Variants in MARCHF8 observed in about 807,000 individuals in gnomAD.
MARCHF8 encodes E3 ubiquitin-protein ligase MARCHF8.
Under a neutral mutation model 51.6 loss-of-function variants are expected in MARCHF8, and 40 were observed. The observed-to-expected ratio is 0.77, with a 90% CI of 0.60 to 1.01. MARCHF8 has a LOEUF of 1.01. Ranked by LOEUF, MARCHF8 falls within the 50% of genes least tolerant of loss-of-function variation. MARCHF8 has a pLI of 0.00. For synonymous variants in MARCHF8, 263 were observed against 280.3 expected, an observed-to-expected ratio of 0.94 and a Z score of 0.62; for missense variants, 685 against 708.6, an observed-to-expected ratio of 0.97 and a Z score of 0.38.
intron 1 of MARCHF8, among the ~76,000 whole-genome samples, chr10:45,559,988 C>A (rs2044291427): frequency 6.6e-6 from 1 of 152,106 alleles, no homozygotes; most frequent in Non-Finnish European, 1.5e-5. Context: ...TTCCTCCCCG[C>A]AACACACAGA....
At chr10:45,483,147 T>C (rs1468553419) in intron 3 of MARCHF8, among the ~76,000 whole-genome samples, 3 of 152,150 alleles carry the variant, frequency 2.0e-5, no homozygotes, top group East Asian at 1.9e-4. Context: ...AAAGGGACTA[T>C]ATTAAACTGA....
rs768634364 is a variant in MARCHF8 at position 45,463,357 on chromosome 10, G to T, written c.882C>A (p.Ser294Arg). 4 of 1,550,708 alleles carry T rather than the reference G, an allele frequency of 2.6e-6. No homozygotes were observed. The East Asian group carries it at 9.8e-5, about 38-fold the overall frequency. The change falls in exon 5 of 8, where the codon AGC becomes AGA. Residue 294 changes from serine to arginine, a missense_variant. Ser to Arg is a moderately radical substitution (Grantham distance 110). Transcript: ENST00000453424. ...AGAAGCCCATACTCCCTGCCAGCCC[G>T]CTGGAGGACTTGGCAGTGTGCAGGC... is the stretch of plus-strand genomic sequence containing the variant. Reference protein sequence around the residue: ...AARLHTAKSSSGLAGSMGFCS... With the variant: ...AARLHTAKSSRGLAGSMGFCS...
intron 3 of MARCHF8, among the ~76,000 whole-genome samples, chr10:45,479,458 T>C (rs139843894): frequency 6.6e-6 from 1 of 152,336 alleles, no homozygotes; most frequent in African/African-American, 2.4e-5. Flanking sequence ...TGCCCGCTGA[T>C]ATGATTTGGC....
intron 1 of MARCHF8, among the ~76,000 whole-genome samples, chr10:45,582,994 C>A (rs2133427637): frequency 6.6e-6 from 1 of 152,178 alleles, no homozygotes; most frequent in South Asian, 2.1e-4. Context: ...ATGTCCAAAT[C>A]CTCACCTATC....
At chr10:45,521,356 T>C (rs1466569963) in intron 2 of MARCHF8, among the ~76,000 whole-genome samples, 1 of 152,246 alleles carries the variant, frequency 6.6e-6, no homozygotes, top group Non-Finnish European at 1.5e-5. Context: ...ACCTGATTTT[T>C]ATTCCCTAGA....
chr10:45,484,714 G>A (rs939782650), intron 3 of MARCHF8, among the ~76,000 whole-genome samples: 2 of 152,148 alleles, frequency 1.3e-5, no homozygotes, highest in Admixed American at 1.3e-4. Flanking sequence ...AATGAGTTAG[G>A]AATTTTAGCC....
intron 1 of MARCHF8, among the ~76,000 whole-genome samples, chr10:45,550,634 T>C (rs2044184389): frequency 6.6e-6 from 1 of 152,118 alleles, no homozygotes; most frequent in South Asian, 2.1e-4. Context: ...CCATCCGAGA[T>C]ATGTCTGCCC....
chr10:45,459,903 C>T (rs1842732319), intron 6 of MARCHF8: 1 of 985,282 alleles, frequency 1.0e-6, no homozygotes, highest in African/African-American at 1.7e-5. Context: ...GGAGAAAACA[C>T]ATAAAGGTAG....
chr10:45,539,886 C>G (rs1198331119), upstream of MARCHF8, among the ~76,000 whole-genome samples: 1 of 152,176 alleles, frequency 6.6e-6, no homozygotes, highest in African/African-American at 2.4e-5. Context: ...GCAAAAATCA[C>G]AAGCATTCTT....
intron 6 of MARCHF8, among the ~76,000 whole-genome samples, chr10:45,460,716 T>C (rs1413189431): frequency 2.6e-5 from 4 of 152,228 alleles, no homozygotes; most frequent in Non-Finnish European, 4.4e-5. Flanking sequence ...CTGTGGGTCC[T>C]TTCTGAAGAC....
At position 45,458,230 on chromosome 10, in the gene MARCHF8, C is replaced by T. The variant is rs750880427; in HGVS notation, c.*9G>A. 17 of 1,596,968 alleles carry T rather than the reference C, an allele frequency of 1.1e-5. No individual in the cohort carries two copies. The highest frequency in any genetic ancestry group is 1.2e-5 in the Non-Finnish European group (14 of 1,171,808). The stretch of plus-strand genomic sequence containing the variant: ...ATGGATGTCCAGGAAAATGACAACC[C>T]GCACACAATCAGACGTGAATGATTT... On this transcript the variant is annotated 3_prime_UTR_variant, in exon 8 of 8. Transcript: ENST00000453424.
chr10:45,562,913 G>A (rs976677430), intron 1 of MARCHF8, among the ~76,000 whole-genome samples: 4 of 152,006 alleles, frequency 2.6e-5, no homozygotes, highest in East Asian at 1.9e-4. Context: ...TGAATAGTAC[G>A]GGTTTCCACT....
At chr10:45,537,954 T>A (rs2043996940), upstream of MARCHF8, among the ~76,000 whole-genome samples, 1 of 152,182 alleles carries the variant, frequency 6.6e-6, no homozygotes, top group Non-Finnish European at 1.5e-5. Flanking sequence ...AGAGAAAATT[T>A]TAATTTTTCC....
At chr10:45,566,090 T>C (rs1028830788) in intron 1 of MARCHF8, among the ~76,000 whole-genome samples, 1 of 152,040 alleles carries the variant, frequency 6.6e-6, no homozygotes, top group Non-Finnish European at 1.5e-5. Flanking sequence ...AAAAGAAGTA[T>C]AAAAATGTGG....
chr10:45,524,042 T>C (rs1404267861), intron 2 of MARCHF8, among the ~76,000 whole-genome samples: 3 of 152,340 alleles, frequency 2.0e-5, no homozygotes, highest in Non-Finnish European at 2.9e-5. Context: ...ATATTTAAAA[T>C]TGCAGGACCT....
intron 3 of MARCHF8, 136 bp from the exon 4 acceptor site, chr10:45,464,463 T>A: frequency 1.4e-6 from 1 of 712,066 alleles, no homozygotes; most frequent in Non-Finnish European, 2.5e-6. Context: ...ACATATTAGA[T>A]CCTTCTAAGC....
chr10:45,522,577 A>C (rs1297502576), intron 2 of MARCHF8, among the ~76,000 whole-genome samples: 5 of 152,190 alleles, frequency 3.3e-5, no homozygotes, highest in African/African-American at 1.2e-4. Flanking sequence ...GTAATACATA[A>C]ACACTACCTT....
At chr10:45,502,637 T>C (rs2043302332) in intron 2 of MARCHF8, among the ~76,000 whole-genome samples, 2 of 152,192 alleles carry the variant, frequency 1.3e-5, no homozygotes, top group African/African-American at 4.8e-5. Context: ...TAGTCAGAAG[T>C]AACATCATTT....
chr10:45,590,729 T>C (rs745415471), intron 1 of MARCHF8, among the ~76,000 whole-genome samples: 2 of 152,180 alleles, frequency 1.3e-5, no homozygotes, highest in Non-Finnish European at 2.9e-5. Context: ...AAAATAACAT[T>C]ATCAAGAAAG....
Sources: allele counts gnomAD v4.1 joint callset (sites outside exome capture counted in the v4.1 genomes callset), GRCh38; gene constraint gnomAD v4.1.1; transcripts MANE v1.5; gene names NCBI Gene and HGNC (gene_info 2026-07-23, HGNC 2026-07-21).